ZNF532: variants seen among roughly 807,000 people sequenced by gnomAD.
ZNF532 encodes the protein zinc finger protein 532.
ZNF532 carries 22 observed loss-of-function variants against 89.3 expected under a neutral mutation model. The observed-to-expected ratio is 0.25, with a 90% CI of 0.18 to 0.35. ZNF532 has a LOEUF of 0.35. Ranked by LOEUF, ZNF532 falls within the 10% of genes least tolerant of loss-of-function variation. ZNF532 has a pLI of 1.00. For missense variants in ZNF532, 1,132 were observed against 1,643.4 expected (o/e 0.69, Z 5.38); for synonymous variants, 606 against 649.6 (o/e 0.93, Z 1.02).
Position 58,919,073 on chromosome 18 carries a change from G to A in ZNF532, c.786G>A (p.Lys262=). The part of the protein sequence containing the change: ...SLPSVAPSKT[K]SSSKLSSCIA... Reference sequence around the variant, plus strand: ...CCAGCGTTGCGCCATCAAAGACAAAGTCGTCCTCCAAGCTCTCGTCCTGCA... The same window carrying A: ...CCAGCGTTGCGCCATCAAAGACAAAATCGTCCTCCAAGCTCTCGTCCTGCA... The change falls in exon 3 of 10, where the codon AAG becomes AAA. Residue 262 remains lysine (K), a synonymous_variant. Coordinates refer to ENST00000591808, the MANE Select transcript of ZNF532 (RefSeq NM_001375912.1). The surrounding 1 kb of genome is among the most constrained non-coding windows in gnomAD (Gnocchi z 6.1). 1 of 1,614,114 alleles carries A rather than the reference G, an allele frequency of 6.2e-7. No individual in the cohort carries two copies. Among genetic ancestry groups the A allele is most frequent in the Non-Finnish European group, 8.5e-7 (1 of 1,180,034 alleles).
Position 58,916,791 on chromosome 18 carries a change from A to G in ZNF532, c.-17-1480A>G, listed in dbSNP as rs904406817. ...ATTTGTGGTGTATATGAGTTTTCTC[A>G]GGCATGTGTATTCTCACTGAGTAGA... On this transcript the variant is annotated intron_variant, in intron 2 of 9. Coordinates refer to ENST00000591808, the MANE Select transcript of ZNF532 (RefSeq NM_001375912.1). 4.3e-6 allele frequency: 4 copies of G among 920,926 alleles called. No homozygotes were observed. The African/African-American group carries it at 5.4e-5, about 12-fold the overall frequency. 57.0% of individuals were successfully genotyped at this position (920,926 alleles called of 1,614,324 possible). A position where few individuals can be genotyped will look rare whatever the true frequency, so the allele number is the denominator to read the frequency against.
At chr18:58,895,050 C>T (rs146492466) in intron 2 of ZNF532, among the ~76,000 whole-genome samples, 368 of 152,350 alleles carry the variant, frequency 2.4e-3, no homozygotes, top group Middle Eastern at 6.8e-3. Context: ...CATTCTCCTT[C>T]TTTTCCCCTT....
intron 5 of ZNF532, chr18:58,940,282 G>C (rs1051252167): frequency 2.0e-5 from 3 of 152,006 alleles, no homozygotes; most frequent in African/African-American, 7.3e-5. Flanking sequence ...TTTTTATAGG[G>C]TACACTTTTG....
chr18:58,953,997 T>TGAAG, intron 7 of ZNF532, 198 bp downstream of exon 7: 3 of 985,424 alleles, frequency 3.0e-6, no homozygotes, highest in Non-Finnish European at 3.6e-6. Flanking sequence ...GTTTTCCTGG[T>TGAAG]CATTGCCTTC....
intron 4 of ZNF532, among the ~76,000 whole-genome samples, chr18:58,937,495 C>T (rs1451727326): frequency 1.3e-5 from 2 of 152,132 alleles, no homozygotes; most frequent in Non-Finnish European, 2.9e-5. Context: ...TAGATACTTC[C>T]TTTTTATTTG....
At chr18:58,876,136 G>A (rs576382638) in intron 2 of ZNF532, among the ~76,000 whole-genome samples, 78 of 152,042 alleles carry the variant, frequency 5.1e-4, no homozygotes, top group Middle Eastern at 6.8e-3. Context: ...GGGTTTCACC[G>A]TGTTAGCCAG....
intron 2 of ZNF532, among the ~76,000 whole-genome samples, chr18:58,904,341 G>A (rs1476917654): frequency 6.7e-6 from 1 of 148,650 alleles, no homozygotes; most frequent in African/African-American, 2.5e-5. Flanking sequence ...AACCTAGTGA[G>A]ACCTTGTCTC....
chr18:58,975,822 C>T (rs2066987162), intron 7 of ZNF532, among the ~76,000 whole-genome samples: 1 of 152,148 alleles, frequency 6.6e-6, no homozygotes, highest in South Asian at 2.1e-4. Context: ...AACAAAGTAA[C>T]TCAGAACTGA....
intron 9 of ZNF532, among the ~76,000 whole-genome samples, chr18:58,982,487 G>T (rs898908019): frequency 2.6e-5 from 4 of 151,314 alleles, no homozygotes; most frequent in African/African-American, 7.3e-5. Context: ...CAGGCGTGGT[G>T]GTGCACACCT....
intron 7 of ZNF532, chr18:58,954,199 G>A (rs2064514415): frequency 5.1e-6 from 5 of 989,892 alleles, no homozygotes; most frequent in Non-Finnish European, 6.0e-6. Flanking sequence ...AGTAGCATTT[G>A]TGTGACTTAC....
At chr18:58,876,752 GGTCAGCACAGACAAGTGACTTTGGGCCTA>G (rs1310114239) in intron 2 of ZNF532, among the ~76,000 whole-genome samples, 3 of 152,196 alleles carry the variant, frequency 2.0e-5, no homozygotes, top group Non-Finnish European at 4.4e-5. Flanking sequence ...TCAGGCCTTA[GGTCAGCACAGACAAGTGACTTTGGGCCTA>G]GTGCAATGGC....
chr18:58,902,711 C>T (rs961579504), intron 2 of ZNF532, among the ~76,000 whole-genome samples: 8 of 151,938 alleles, frequency 5.3e-5, no homozygotes, highest in Non-Finnish European at 7.4e-5. Flanking sequence ...AGGGTGGTCT[C>T]GAACTCCCAA....
At chr18:58,881,529 T>C (rs1339315599) in intron 2 of ZNF532, among the ~76,000 whole-genome samples, 1 of 152,218 alleles carries the variant, frequency 6.6e-6, no homozygotes, top group Non-Finnish European at 1.5e-5. Context: ...TTGTTGTAAG[T>C]TTTGAGGACA....
intron 8 of ZNF532, chr18:58,980,334 AG>A (rs1270211175): frequency 6.6e-6 from 1 of 152,360 alleles, no homozygotes; most frequent in Admixed American, 6.5e-5. Context: ...CTTCACTGAT[AG>A]GTTTTGTTTA....
chr18:58,952,874 G>A (rs561385324), intron 6 of ZNF532, among the ~76,000 whole-genome samples: 2 of 152,262 alleles, frequency 1.3e-5, no homozygotes, highest in African/African-American at 4.8e-5. Context: ...AGTTAGCTAA[G>A]CAATTTAAAA....
chr18:58,896,550 C>T (rs754672395), intron 2 of ZNF532: 2 of 153,038 alleles, frequency 1.3e-5, no homozygotes, highest in Non-Finnish European at 2.9e-5. Context: ...TGTCTTCAGC[C>T]ATATGCATCT....
chr18:58,921,549 A>C (rs1329331222), intron 3 of ZNF532, among the ~76,000 whole-genome samples: 1 of 152,160 alleles, frequency 6.6e-6, no homozygotes, highest in African/African-American at 2.4e-5. Flanking sequence ...TGGCAAACCC[A>C]TCTCCAATTA....
At chr18:58,975,830 T>G (rs1448793340) in intron 7 of ZNF532, among the ~76,000 whole-genome samples, 1 of 152,240 alleles carries the variant, frequency 6.6e-6, no homozygotes, top group Admixed American at 6.5e-5. Context: ...AACTCAGAAC[T>G]GAGTAGGAAG....
chr18:58,942,984 G>T (rs142689509), intron 5 of ZNF532, among the ~76,000 whole-genome samples: 2 of 152,114 alleles, frequency 1.3e-5, no homozygotes, highest in Non-Finnish European at 2.9e-5. Context: ...CATGGCACAC[G>T]ATTGTTGTTT....
Sources: gnomAD v4.1 joint callset for allele counts (sites outside exome capture counted in the v4.1 genomes callset) on GRCh38, gnomAD v4.1.1 for gene constraint, Gnocchi (gnomAD v3.1) non-coding constraint, MANE v1.5 for transcripts, NCBI Gene and HGNC (gene_info 2026-07-23, HGNC 2026-07-21) for gene names.